Variants in NEO1 observed in about 807,000 individuals in gnomAD.
The protein encoded by NEO1 is neogenin.
A neutral mutation model predicts 159.7 loss-of-function variants in NEO1; 63 were observed. The ratio of observed to expected loss-of-function variants is 0.39; its 90% confidence interval spans 0.32 to 0.49. The LOEUF is 0.49. Among genes scored for constraint, NEO1 ranks in the 20% least tolerant of loss-of-function variants. The pLI is 0.85. For missense variants in NEO1, 1,615 were observed against 1,831.0 expected (o/e 0.88, Z 2.15); for synonymous variants, 633 against 662.0 (o/e 0.96, Z 0.67).
intron 26 of NEO1, among the ~76,000 whole-genome samples, chr15:73,295,647 T>C (rs1268694984): frequency 6.6e-6 from 1 of 152,180 alleles, no homozygotes; most frequent in East Asian, 1.9e-4. Flanking sequence ...ACTAAAGTGA[T>C]AGACTTACTG....
At chr15:73,182,051 A>G (rs1344401707) in intron 7 of NEO1, among the ~76,000 whole-genome samples, 2 of 152,044 alleles carry the variant, frequency 1.3e-5, no homozygotes, top group Admixed American at 1.3e-4. Flanking sequence ...GGCAAGGAGG[A>G]GCGAGTCACA....
intron 7 of NEO1, among the ~76,000 whole-genome samples, chr15:73,209,567 A>T (rs1200993159): frequency 6.6e-6 from 1 of 152,192 alleles, no homozygotes; most frequent in Non-Finnish European, 1.5e-5. Flanking sequence ...AGAATCATGG[A>T]GTAGGACTCC....
intron 1 of NEO1, among the ~76,000 whole-genome samples, chr15:73,097,203 G>A (rs1418757775): frequency 6.6e-6 from 1 of 152,128 alleles, no homozygotes; most frequent in Non-Finnish European, 1.5e-5. Flanking sequence ...TTTAGGGATG[G>A]ACTAACTGGT....
At chr15:73,171,325 G>A (rs759098018) in intron 5 of NEO1, among the ~76,000 whole-genome samples, 10 of 152,078 alleles carry the variant, frequency 6.6e-5, no homozygotes, top group Non-Finnish European at 1.2e-4. Context: ...CACTTTGGGA[G>A]GCTAAGGTAG....
At chr15:73,157,025 A>G (rs530758469) in intron 5 of NEO1, among the ~76,000 whole-genome samples, 155 of 152,300 alleles carry the variant, frequency 1.0e-3, no homozygotes, top group Non-Finnish European at 1.6e-3. Flanking sequence ...CTTCCTTCTC[A>G]TGCCCCAGTC....
In NEO1 at chr15:73,303,404, A is replaced by C. The variant is rs1204668640; in HGVS notation, c.*708A>C. The C allele has an allele frequency of 6.7e-6, 1 of 148,824 alleles. No individual in the cohort carries two copies. The highest frequency in any genetic ancestry group is 2.5e-5 in the African/African-American group (1 of 40,020). The allele number at this position is 148,824 out of a possible 1,614,324, so 9.2% of individuals were successfully genotyped here. A position where few individuals can be genotyped will look rare whatever the true frequency, so the allele number is the denominator to read the frequency against. On this transcript the variant is annotated 3_prime_UTR_variant, in exon 29 of 29. Transcript: ENST00000261908. ...GACTCTTTCCTCTCATCACTGTGAG[A>C]TTACAGATCTATTTGAATTGAATGA...
Position 73,258,796 on chromosome 15 carries a change from G to T in NEO1, c.2123G>T (p.Arg708Leu). 2 of 1,613,818 alleles carry T rather than the reference G, an allele frequency of 1.2e-6. No homozygotes were observed. Among genetic ancestry groups the T allele is most frequent in the Non-Finnish European group, 1.7e-6 (2 of 1,179,854 alleles). Residue 708 changes from arginine (R) to leucine (L), a missense_variant, in exon 14 of 29, where the codon CGA becomes CTA. By Grantham distance (102) the Arg-to-Leu change is moderately radical. Around this residue, in one of 3 missense-constraint regions of NEO1, gnomAD observed 1,018 missense variants for 1,115.4 expected, o/e 0.91. Coordinates refer to ENST00000261908, the MANE Select transcript of NEO1 (RefSeq NM_002499.4). Reference sequence around the variant, plus strand: ...GATCGGGGGACTGAGTATAATTTCCGAGTGGCTGCTCTAACAATCAATGGT... The same window carrying T: ...GATCGGGGGACTGAGTATAATTTCCTAGTGGCTGCTCTAACAATCAATGGT... ...GLDRGTEYNF[R>L]VAALTINGTG...
intron 8 of NEO1, among the ~76,000 whole-genome samples, chr15:73,239,118 T>C (rs1279428463): frequency 6.6e-6 from 1 of 152,170 alleles, no homozygotes; most frequent in African/African-American, 2.4e-5. Flanking sequence ...GTGCTGGAAT[T>C]ACAGGCATGA....
intron 15 of NEO1, among the ~76,000 whole-genome samples, chr15:73,262,841 T>C (rs565371896): frequency 6.6e-6 from 1 of 152,346 alleles, no homozygotes; most frequent in Admixed American, 6.5e-5. Flanking sequence ...AGGTAAGTGG[T>C]AAATCGTGAT....
At chr15:73,236,205 T>A in intron 7 of NEO1, 142 bp from the exon 8 acceptor site, 1 of 1,128,324 alleles carries the variant, frequency 8.9e-7, no homozygotes, top group Non-Finnish European at 1.3e-6. Context: ...TTATTTCTTT[T>A]TTGTTTTTTG....
chr15:73,227,573 C>T (rs760067746), intron 7 of NEO1, among the ~76,000 whole-genome samples: 5 of 152,142 alleles, frequency 3.3e-5, no homozygotes, highest in Non-Finnish European at 5.9e-5. Flanking sequence ...ATTTCTGCTA[C>T]TTACAACCCT....
In NEO1 at chr15:73,176,441, G is replaced by A. The variant is rs1443035442; in HGVS notation, c.1054G>A (p.Ala352Thr). The A allele has an allele frequency of 1.2e-6, 2 of 1,605,070 alleles. No homozygotes were observed. Among genetic ancestry groups the A allele is most frequent in the Admixed American group, 1.7e-5 (1 of 59,024 alleles). Residue 352 changes from alanine to threonine, a missense_variant, in exon 6 of 29, where the codon GCT (alanine) becomes ACT (threonine). Around this residue, in one of 3 missense-constraint regions of NEO1, gnomAD observed 1,018 missense variants for 1,115.4 expected, o/e 0.91. Transcript: ENST00000261908. ...EFLKQPTNIY[A>T]HESMDIVFEC... is the part of the protein sequence containing the mutation. ...CCTGAAGCAGCCTACTAATATATAT[G>A]CTCACGAATCTATGGATATTGTATT... is the stretch of plus-strand genomic sequence containing the variant.
rs2041319918 is a variant in NEO1 at position 73,274,610 on chromosome 15, C to CT, written c.3161-79dup. On this transcript the variant is annotated intron_variant, in intron 20 of 28. Transcript: ENST00000261908. ...GTTTGTGGGGGTTTTAGTTTTTTTC[C>CT]TTTAAAAAGTTCTGCCTGTCCCATC... is the stretch of plus-strand genomic sequence containing the variant. 15 of 1,420,918 alleles carry CT rather than the reference C, an allele frequency of 1.1e-5. No individual in the cohort carries two copies. The South Asian group carries it at 1.8e-4, about 18-fold the overall frequency. The allele number at this position is 1,420,918 out of a possible 1,614,324, so 88.0% of individuals were successfully genotyped here. A position where few individuals can be genotyped will look rare whatever the true frequency, so the allele number is the denominator to read the frequency against.
chr15:73,161,363 C>T (rs979552561), intron 5 of NEO1, among the ~76,000 whole-genome samples: 1 of 152,114 alleles, frequency 6.6e-6, no homozygotes, highest in African/African-American at 2.4e-5. Flanking sequence ...TATCTTTTCC[C>T]TGATGTAATG....
chr15:73,166,403 C>G (rs568807987), intron 5 of NEO1, among the ~76,000 whole-genome samples: 5 of 152,178 alleles, frequency 3.3e-5, no homozygotes, highest in Non-Finnish European at 7.3e-5. Flanking sequence ...AAGCTAAACA[C>G]TGACATTTGG....
chr15:73,300,747 G>A (rs2042582417), intron 27 of NEO1, among the ~76,000 whole-genome samples: 1 of 152,160 alleles, frequency 6.6e-6, no homozygotes, highest in African/African-American at 2.4e-5. Flanking sequence ...AAAGACAGCT[G>A]TCATACTTTG....
intron 26 of NEO1, among the ~76,000 whole-genome samples, chr15:73,293,839 A>G (rs746427044): frequency 3.3e-5 from 5 of 152,188 alleles, no homozygotes; most frequent in South Asian, 2.1e-4. Flanking sequence ...CTTTTTTCCA[A>G]TTTCTTTCTT....
chr15:73,122,102 A>G (rs1383974364), intron 2 of NEO1, among the ~76,000 whole-genome samples: 2 of 62,558 alleles, frequency 3.2e-5, no homozygotes, highest in South Asian at 4.7e-4. Flanking sequence ...TATACACATT[A>G]TATATATTAT....
In NEO1 at chr15:73,283,044, A is replaced by G. The variant is rs2041796705; in HGVS notation, c.3343A>G (p.Ile1115Val). The change falls in exon 23 of 29, where the codon ATC becomes GTC. Residue 1115 changes from isoleucine to valine, a missense_variant. Physicochemically the swap from Ile to Val is conservative, Grantham distance 29. This residue lies in a region of NEO1 where 471 missense variants were observed against 498.9 expected (regional missense o/e 0.94). Transcript: ENST00000261908. ...GGTCATAATTGTTTCTGTTGGCGTC[A>G]TCACCATCGTGGTGGTTGTGATTAT... is the stretch of plus-strand genomic sequence containing the variant. ...LLVIIVSVGVITIVVVVIIAV... is the reference protein window; with the variant it reads ...LLVIIVSVGVVTIVVVVIIAV... 2.5e-6 allele frequency: 4 copies of G among 1,614,220 alleles called. No individual in the cohort carries two copies. Among genetic ancestry groups the G allele is most frequent in the South Asian group, 1.1e-5 (1 of 91,080 alleles).
Sources: allele counts gnomAD v4.1 joint callset (sites outside exome capture counted in the v4.1 genomes callset), GRCh38; gene constraint gnomAD v4.1.1; regional missense constraint gnomAD v4.1.1; transcripts MANE v1.5; gene names NCBI Gene and HGNC (gene_info 2026-07-23, HGNC 2026-07-21).